Variants in SYNDIG1 observed in about 807,000 individuals in gnomAD.
SYNDIG1 encodes the protein synapse differentiation inducing 1.
SYNDIG1 carries 9 observed loss-of-function variants against 19.4 expected under a neutral mutation model. That is an observed-to-expected ratio of 0.46 (90% CI 0.28 to 0.81). The LOEUF is 0.81. Ranked by LOEUF, SYNDIG1 falls within the 30% of genes least tolerant of loss-of-function variation. The probability of loss-of-function intolerance (pLI) is 0.12; values close to 1 mark genes in which losing one functional copy is unlikely to be tolerated. For missense variants in SYNDIG1, 311 were observed against 343.3 expected (o/e 0.91, Z 0.74); for synonymous variants, 141 against 145.9 (o/e 0.97, Z 0.24).
At chr20:24,551,073 T>C (rs931377734) in intron 2 of SYNDIG1, among the ~76,000 whole-genome samples, 1 of 152,212 alleles carries the variant, frequency 6.6e-6, no homozygotes, top group African/African-American at 2.4e-5. Context: ...AGACTCTGTT[T>C]AGTATTGGTA....
intron 2 of SYNDIG1, among the ~76,000 whole-genome samples, chr20:24,549,107 A>G (rs1428762653): frequency 6.6e-6 from 1 of 152,084 alleles, no homozygotes; most frequent in African/African-American, 2.4e-5. Context: ...TTGAAACTGC[A>G]TAATATATTA....
At chr20:24,604,926 G>A (rs1046933450) in intron 3 of SYNDIG1, among the ~76,000 whole-genome samples, 10 of 151,980 alleles carry the variant, frequency 6.6e-5, no homozygotes, top group Non-Finnish European at 8.8e-5. Context: ...ATTTTTTAAC[G>A]TCCTCAGATT....
rs531530859 is a variant in SYNDIG1 at position 24,631,313 on chromosome 20, G to A, written c.619-34033G>A. On this transcript the variant is annotated intron_variant, in intron 3 of 3. Coordinates refer to ENST00000376862, the MANE Select transcript of SYNDIG1 (RefSeq NM_024893.3). ...TGGAAGATGAAATGGTGACTCCTGC[G>A]GCGGGCATTGCCATGCGTCAGGGTG... 7.9e-5 allele frequency among the ~76,000 whole-genome samples: 12 copies of A among 152,294 alleles called. 1 individual carries two copies. The East Asian group carries it at 9.7e-4, about 12-fold the overall frequency.
At chr20:24,528,031 GC>G (rs1480773224) in intron 1 of SYNDIG1, among the ~76,000 whole-genome samples, 1 of 152,130 alleles carries the variant, frequency 6.6e-6, no homozygotes, top group Non-Finnish European at 1.5e-5. Context: ...GTGCAGCTCT[GC>G]CCCTTCAAGT....
At chr20:24,565,725 T>C (rs1201513224) in intron 2 of SYNDIG1, among the ~76,000 whole-genome samples, 1 of 152,064 alleles carries the variant, frequency 6.6e-6, no homozygotes, top group Non-Finnish European at 1.5e-5. Flanking sequence ...CTGTGGGGGA[T>C]CTCCCAGCAG....
At chr20:24,470,882 C>G (rs968429388) in intron 1 of SYNDIG1, among the ~76,000 whole-genome samples, 1 of 151,906 alleles carries the variant, frequency 6.6e-6, no homozygotes, top group Admixed American at 6.6e-5. Flanking sequence ...GCTCCTGGCT[C>G]GGACCGATGC....
At chr20:24,630,790 C>T (rs934129300) in intron 3 of SYNDIG1, among the ~76,000 whole-genome samples, 7 of 152,244 alleles carry the variant, frequency 4.6e-5, no homozygotes, top group Non-Finnish European at 7.3e-5. Context: ...CTGCCATTGC[C>T]CCTCTACAAG....
intron 3 of SYNDIG1, among the ~76,000 whole-genome samples, chr20:24,587,362 A>C (rs574730751): frequency 5.0e-4 from 76 of 152,294 alleles, no homozygotes; most frequent in Admixed American, 1.0e-3. Context: ...CTGTGTCTGC[A>C]TCCGTCTCCA....
rs185551528 is a variant in SYNDIG1, at chr20:24,607,703, C to G, written c.618+22710C>G. Among the ~76,000 whole-genome samples, 686 of 152,352 alleles carry G rather than the reference C, an allele frequency of 4.5e-3. 5 individuals are homozygous for G. The highest frequency in any genetic ancestry group is 8.0e-3 in the Non-Finnish European group (542 of 68,030). On this transcript the variant is annotated intron_variant, in intron 3 of 3. Coordinates refer to ENST00000376862, the MANE Select transcript of SYNDIG1 (RefSeq NM_024893.3). ...GGAAGCCCAACTGCTCTCTCACTAG[C>G]ACACTGGGACTTGAGTTGGCCACAG... is the stretch of plus-strand genomic sequence containing the variant.
At chr20:24,582,484 C>T (rs1348687885) in intron 2 of SYNDIG1, among the ~76,000 whole-genome samples, 1 of 143,166 alleles carries the variant, frequency 7.0e-6, no homozygotes, top group Non-Finnish European at 1.5e-5. Flanking sequence ...CCCTGCATGT[C>T]CTCACCCCTG....
intron 3 of SYNDIG1, among the ~76,000 whole-genome samples, chr20:24,644,896 A>G (rs6114813): frequency 0.023 from 3,516 of 152,290 alleles, 100 homozygotes; most frequent in African/African-American, 0.069. Context: ...ACTGGTGTAT[A>G]TTAACACCCT....
chr20:24,613,773 A>G (rs1480438005), intron 3 of SYNDIG1, among the ~76,000 whole-genome samples: 2 of 152,178 alleles, frequency 1.3e-5, no homozygotes, highest in African/African-American at 4.8e-5. Flanking sequence ...AGCTTAAATC[A>G]TGACACCCAA....
chr20:24,626,194 G>A (rs1461305698), intron 3 of SYNDIG1, among the ~76,000 whole-genome samples: 9 of 106,254 alleles, frequency 8.5e-5, no homozygotes, highest in Non-Finnish European at 1.2e-4. Flanking sequence ...CCTCCCGGAC[G>A]GGGCGGCTGG....
At chr20:24,558,501 G>C (rs1277554865) in intron 2 of SYNDIG1, among the ~76,000 whole-genome samples, 2 of 152,270 alleles carry the variant, frequency 1.3e-5, no homozygotes, top group Middle Eastern at 3.4e-3. Context: ...CTTTTGATTG[G>C]AGTATTTAGT....
At chr20:24,662,514 C>T (rs1222546130) in intron 3 of SYNDIG1, among the ~76,000 whole-genome samples, 3 of 152,148 alleles carry the variant, frequency 2.0e-5, no homozygotes, top group Non-Finnish European at 4.4e-5. Flanking sequence ...TGGAGCCCAG[C>T]TGCTTCCTGC....
intron 3 of SYNDIG1, among the ~76,000 whole-genome samples, chr20:24,656,418 C>T (rs561595544): frequency 2.6e-5 from 4 of 152,292 alleles, no homozygotes; most frequent in Admixed American, 6.5e-5. Flanking sequence ...TGTTCCTAAA[C>T]GGCCTGCATG....
At position 24,588,407 on chromosome 20, in the gene SYNDIG1, C is replaced by T. The variant is rs1392143611; in HGVS notation, c.618+3414C>T. On this transcript the variant is annotated intron_variant, in intron 3 of 3. Transcript: ENST00000376862. ...AGTGAGGTGGGTAACATTGGCTGAC[C>T]ACCTACTGTGCGCCAGGTTCAGCGC... 2.0e-5 allele frequency among the ~76,000 whole-genome samples: 3 copies of T among 152,300 alleles called. No homozygotes were observed. In the East Asian group the frequency reaches 5.8e-4, roughly 29 times the overall value.
chr20:24,470,039 T>C (rs1342374262), intron 1 of SYNDIG1, among the ~76,000 whole-genome samples: 1 of 152,152 alleles, frequency 6.6e-6, no homozygotes, highest in East Asian at 1.9e-4. Flanking sequence ...TGGCCTGGGC[T>C]GCACCTTGGT....
chr20:24,625,943 G>A lies in SYNDIG1; in HGVS notation c.619-39403G>A, dbSNP rs566826934. Among the ~76,000 whole-genome samples the A allele has an allele frequency of 8.3e-3, 1,254 of 151,804 alleles. 25 individuals carry two copies. Among genetic ancestry groups the A allele is most frequent in the African/African-American group, 0.029 (1,190 of 41,410 alleles). On this transcript the variant is annotated intron_variant, in intron 3 of 3. Coordinates refer to ENST00000376862, the MANE Select transcript of SYNDIG1 (RefSeq NM_024893.3). Reference sequence around the variant, plus strand: ...CCTCACTTCCCAGTAGGGGTGGCCGGGCAGAGGCGCCCCTCACCTCCCGGA... The same window carrying A: ...CCTCACTTCCCAGTAGGGGTGGCCGAGCAGAGGCGCCCCTCACCTCCCGGA...
Sources: allele counts gnomAD v4.1 joint callset (sites outside exome capture counted in the v4.1 genomes callset), GRCh38; gene constraint gnomAD v4.1.1; transcripts MANE v1.5; gene names NCBI Gene and HGNC (gene_info 2026-07-23, HGNC 2026-07-21).